Variants in CAMK2D observed in about 807,000 individuals in gnomAD.
CAMK2D encodes calcium/calmodulin-dependent protein kinase type II subunit delta.
Under a neutral mutation model 84.0 loss-of-function variants are expected in CAMK2D, and 37 were observed. The observed-to-expected ratio is 0.44, with a 90% CI of 0.34 to 0.58. The LOEUF is 0.58. Among genes scored for constraint, CAMK2D ranks in the 20% least tolerant of loss-of-function variants. CAMK2D has a pLI of 0.02. For missense variants in CAMK2D, 448 were observed against 652.5 expected, an observed-to-expected ratio of 0.69 and a Z score of 3.41; for synonymous variants, 202 against 212.5, an observed-to-expected ratio of 0.95 and a Z score of 0.43.
intron 6 of CAMK2D, among the ~76,000 whole-genome samples, chr4:113,540,362 T>C (rs1189274239): frequency 1.3e-5 from 2 of 152,212 alleles, no homozygotes; most frequent in Non-Finnish European, 2.9e-5. Context: ...TATTTGCTAC[T>C]ATTCCACTAT....
chr4:113,714,959 T>C (rs1410226061), intron 2 of CAMK2D, among the ~76,000 whole-genome samples: 1 of 152,136 alleles, frequency 6.6e-6, no homozygotes, highest in African/African-American at 2.4e-5. Flanking sequence ...ATTGAATTTA[T>C]AGATTAATTT....
intron 3 of CAMK2D, among the ~76,000 whole-genome samples, chr4:113,655,964 G>A (rs140824164): frequency 6.6e-6 from 1 of 152,140 alleles, no homozygotes; most frequent in Non-Finnish European, 1.5e-5. Context: ...AAATAATTTT[G>A]AGAATTTGGC....
rs1390583533 is a variant in CAMK2D at position 113,661,736 on chromosome 4, C to T, written c.197G>A (p.Arg66His). The T allele has an allele frequency of 1.3e-5, 19 of 1,500,532 alleles. No homozygotes were observed. The highest frequency in any genetic ancestry group is 6.1e-5 in the Admixed American group (3 of 49,394). 93.0% of individuals were successfully genotyped at this position (1,500,532 alleles called of 1,614,324 possible). A position where few individuals can be genotyped will look rare whatever the true frequency, so the allele number is the denominator to read the frequency against. ...QKLEREARIC[R>H]LLKHPNIVRL... Reference sequence around the variant, plus strand: ...ACCAATATTAGGGTGCTTCAAAAGACGGCAGATTCTAGCTTCTCTTTCTAG... The same window carrying T: ...ACCAATATTAGGGTGCTTCAAAAGATGGCAGATTCTAGCTTCTCTTTCTAG... The change falls in exon 3 of 21, where the codon CGT becomes CAT. Residue 66 changes from arginine to histidine, a missense_variant. Transcript: ENST00000511664.
intron 3 of CAMK2D, among the ~76,000 whole-genome samples, chr4:113,639,154 A>G (rs2099121973): frequency 1.3e-5 from 2 of 151,532 alleles, no homozygotes; most frequent in African/African-American, 4.9e-5. Flanking sequence ...CTGAGGGAGG[A>G]CTGCTTGAGC....
At chr4:113,653,339 T>C (rs774660270) in intron 3 of CAMK2D, among the ~76,000 whole-genome samples, 3 of 152,074 alleles carry the variant, frequency 2.0e-5, no homozygotes, top group Non-Finnish European at 4.4e-5. Flanking sequence ...CAAATAATCA[T>C]AATAAAGAGC....
Position 113,761,399 on chromosome 4 carries a change from C to A in CAMK2D, c.-331G>T. On this transcript the variant is annotated 5_prime_UTR_variant, in exon 1 of 21. Transcript: ENST00000511664. ...GGGTAAAGTACTCAAGAAGAGGGGG[C>A]CGGGAAATGGAAAAACAGCCAGGCA... 8.0e-7 allele frequency: 1 copy of A among 1,243,046 alleles called. No homozygotes were observed. The highest frequency in any genetic ancestry group is 1.0e-6 in the Non-Finnish European group (1 of 981,928). The allele number at this position is 1,243,046 out of a possible 1,614,324, so 77.0% of individuals were successfully genotyped here. A position where few individuals can be genotyped will look rare whatever the true frequency, so the allele number is the denominator to read the frequency against.
chr4:113,509,288 T>C (rs2098176383), intron 13 of CAMK2D, among the ~76,000 whole-genome samples: 1 of 152,218 alleles, frequency 6.6e-6, no homozygotes, highest in Admixed American at 6.5e-5. Flanking sequence ...AGCATAATTA[T>C]TTGGAAAAGC....
intron 4 of CAMK2D, among the ~76,000 whole-genome samples, chr4:113,590,912 G>A (rs1457237214): frequency 6.6e-6 from 1 of 152,110 alleles, no homozygotes; most frequent in East Asian, 1.9e-4. Flanking sequence ...TTCAGCTGAT[G>A]TATGCTCAAT....
intron 2 of CAMK2D, among the ~76,000 whole-genome samples, chr4:113,692,653 T>C (rs1413087165): frequency 2.0e-5 from 3 of 151,978 alleles, no homozygotes; most frequent in Non-Finnish European, 4.4e-5. Flanking sequence ...TATTCATATA[T>C]ACATACATAT....
intron 2 of CAMK2D, among the ~76,000 whole-genome samples, chr4:113,667,558 T>A (rs1204222499): frequency 6.6e-6 from 1 of 152,170 alleles, no homozygotes; most frequent in Non-Finnish European, 1.5e-5. Context: ...TATGTCTCAC[T>A]GAATGAGGCA....
At position 113,702,384 on chromosome 4, in the gene CAMK2D, TAGCTTACTGGCCATATAAA is replaced by T. The variant is rs541073505; in HGVS notation, c.161-40631_161-40613del. On this transcript the variant is annotated intron_variant, in intron 2 of 20. Transcript: ENST00000511664. ...CCTTTAAAAATGTAAAAGTCATTCT[TAGCTTACTGGCCATATAAA>T]AACAAGACAGATATGGCCAAAGGGA... Among the ~76,000 whole-genome samples the T allele has an allele frequency of 1.5e-3, 233 of 152,286 alleles. 1 individual carries two copies. The highest frequency in any genetic ancestry group is 5.4e-3 in the African/African-American group (226 of 41,552).
At chr4:113,664,721 G>C (rs747574111) in intron 2 of CAMK2D, among the ~76,000 whole-genome samples, 26 of 152,020 alleles carry the variant, frequency 1.7e-4, no homozygotes, top group Non-Finnish European at 3.4e-4. Context: ...AAAAAACCTA[G>C]GCTGGCCCAA....
chr4:113,548,825 C>T (rs1591065249), intron 5 of CAMK2D: 1 of 597,858 alleles, frequency 1.7e-6, no homozygotes, highest in East Asian at 3.1e-5. Context: ...ATGAAACAAA[C>T]AAACAAACAA....
intron 4 of CAMK2D, among the ~76,000 whole-genome samples, chr4:113,583,309 T>C (rs1263680528): frequency 6.6e-6 from 1 of 152,226 alleles, no homozygotes; most frequent in East Asian, 1.9e-4. Context: ...GTATTTCATG[T>C]GGTATACTGA....
chr4:113,511,126 T>C (rs1454790814), intron 12 of CAMK2D, among the ~76,000 whole-genome samples: 1 of 151,938 alleles, frequency 6.6e-6, no homozygotes. Flanking sequence ...ACATTCCACA[T>C]AAAGGGAGAA....
At chr4:113,518,133 C>T (rs2098310718) in intron 8 of CAMK2D, among the ~76,000 whole-genome samples, 1 of 152,062 alleles carries the variant, frequency 6.6e-6, no homozygotes, top group Admixed American at 6.6e-5. Context: ...TCTAAATAAC[C>T]ATAGTCCCTG....
intron 4 of CAMK2D, among the ~76,000 whole-genome samples, chr4:113,597,437 C>T (rs1216649544): frequency 6.6e-6 from 1 of 152,186 alleles, no homozygotes; most frequent in Non-Finnish European, 1.5e-5. Flanking sequence ...TTCCTTAAAC[C>T]TCAAGAAACA....
intron 16 of CAMK2D, among the ~76,000 whole-genome samples, chr4:113,487,673 A>T (rs906779363): frequency 6.6e-6 from 1 of 152,174 alleles, no homozygotes; most frequent in East Asian, 1.9e-4. Context: ...AGTGCTATTG[A>T]TAACATTTTG....
At chr4:113,612,667 G>A (rs991848008) in intron 3 of CAMK2D, among the ~76,000 whole-genome samples, 1 of 152,142 alleles carries the variant, frequency 6.6e-6, no homozygotes, top group Non-Finnish European at 1.5e-5. Context: ...GAGAAAACAG[G>A]TTATAATACA....
Sources: gnomAD v4.1 joint callset for allele counts (sites outside exome capture counted in the v4.1 genomes callset) on GRCh38, gnomAD v4.1.1 for gene constraint, MANE v1.5 for transcripts, NCBI Gene and HGNC (gene_info 2026-07-23, HGNC 2026-07-21) for gene names.